Variants in FSTL5 observed in about 807,000 individuals in gnomAD.
FSTL5 encodes the protein follistatin-related protein 5.
FSTL5 carries 62 observed loss-of-function variants against 89.1 expected under a neutral mutation model. The observed-to-expected ratio is 0.70, with a 90% CI of 0.57 to 0.86. The LOEUF (loss-of-function observed/expected upper bound fraction) is 0.86, where lower values mean the gene tolerates loss of function less well. Among genes scored for constraint, FSTL5 ranks in the 40% least tolerant of loss-of-function variants. The pLI is 0.00. For synonymous variants in FSTL5, 383 were observed against 346.2 expected, an observed-to-expected ratio of 1.11 and a Z score of -1.18; for missense variants, 1,057 against 1,001.6, an observed-to-expected ratio of 1.06 and a Z score of -0.75.
At chr4:161,979,437 GT>G (rs1735753906) in intron 3 of FSTL5, among the ~76,000 whole-genome samples, 1 of 152,000 alleles carries the variant, frequency 6.6e-6, no homozygotes, top group South Asian at 2.1e-4. Context: ...TTATTATCTT[GT>G]GGTTTGCAAA....
chr4:162,055,939 T>A (rs1364578587), intron 2 of FSTL5, among the ~76,000 whole-genome samples: 1 of 151,870 alleles, frequency 6.6e-6, no homozygotes, highest in Admixed American at 6.6e-5. Flanking sequence ...CAATACAGAA[T>A]AATAATATTT....
rs1434945679 is a variant in FSTL5, at chr4:161,385,075, A to G, written c.*672T>C. ...TTCTATAGCATGCTGCAGATTATAC[A>G]GTAAATGTCAAGTGGAGTTTGACAC... On this transcript the variant is annotated 3_prime_UTR_variant, in exon 16 of 16. Coordinates refer to ENST00000306100, the MANE Select transcript of FSTL5 (RefSeq NM_020116.5). 1.3e-5 allele frequency: 2 copies of G among 152,322 alleles called. No individual in the cohort carries two copies. The highest frequency in any genetic ancestry group is 2.9e-5 in the Non-Finnish European group (2 of 68,010). 9.4% of individuals were successfully genotyped at this position (152,322 alleles called of 1,614,324 possible). A position where few individuals can be genotyped will look rare whatever the true frequency, so the allele number is the denominator to read the frequency against.
intron 15 of FSTL5, among the ~76,000 whole-genome samples, chr4:161,393,581 G>A (rs1390754125): frequency 6.6e-6 from 1 of 152,040 alleles, no homozygotes; most frequent in Non-Finnish European, 1.5e-5. Flanking sequence ...TGAAGAGAGA[G>A]TTTATATTGG....
chr4:161,437,346 T>C (rs887057777), intron 15 of FSTL5, among the ~76,000 whole-genome samples: 7 of 151,808 alleles, frequency 4.6e-5, no homozygotes, highest in Admixed American at 1.3e-4. Flanking sequence ...GCGGGCGGAT[T>C]ACGAGGTCAG....
At chr4:161,684,261 T>C (rs1285668006) in intron 6 of FSTL5, among the ~76,000 whole-genome samples, 3 of 152,170 alleles carry the variant, frequency 2.0e-5, no homozygotes, top group African/African-American at 7.2e-5. Context: ...TCTTTTTGTA[T>C]AATGACTTAT....
intron 4 of FSTL5, among the ~76,000 whole-genome samples, chr4:161,914,501 T>C (rs889888607): frequency 2.0e-5 from 3 of 152,170 alleles, no homozygotes; most frequent in Non-Finnish European, 4.4e-5. Flanking sequence ...ATCTAATAGA[T>C]ATTCTATTTG....
At chr4:161,755,521 G>A (rs1348570645) in intron 6 of FSTL5, among the ~76,000 whole-genome samples, 1 of 152,000 alleles carries the variant, frequency 6.6e-6, no homozygotes, top group Non-Finnish European at 1.5e-5. Context: ...AACAATTAAT[G>A]AATCATGATA....
chr4:161,759,478 A>C lies in FSTL5; in HGVS notation c.660T>G (p.Val220=), dbSNP rs1284421416. ...CATTAAAATCATCATATTTCAATAG[A>C]ACATACAAAGTACAATCAAAGAGAT... ...GKDLFDCTLY[V]LLKYDDFNAD... Residue 220 remains valine (V), a synonymous_variant, in exon 6 of 16, where the codon GTT becomes GTG. Coordinates refer to ENST00000306100, the MANE Select transcript of FSTL5 (RefSeq NM_020116.5). The C allele has an allele frequency of 1.3e-6, 2 of 1,595,882 alleles. No individual in the cohort carries two copies. Among genetic ancestry groups the C allele is most frequent in the Non-Finnish European group, 1.7e-6 (2 of 1,170,626 alleles).
At chr4:161,611,184 A>G (rs1362478945) in intron 7 of FSTL5, among the ~76,000 whole-genome samples, 16 of 143,624 alleles carry the variant, frequency 1.1e-4, no homozygotes, top group Non-Finnish European at 2.2e-4. Flanking sequence ...ATATATGTAT[A>G]TATGTGTATA....
intron 3 of FSTL5, among the ~76,000 whole-genome samples, chr4:161,959,720 G>A (rs1297642385): frequency 6.6e-6 from 1 of 152,084 alleles, no homozygotes; most frequent in African/African-American, 2.4e-5. Flanking sequence ...TGTTAATAAT[G>A]TTTCTGCTCT....
intron 2 of FSTL5, among the ~76,000 whole-genome samples, chr4:162,063,749 TTGA>T (rs1738797609): frequency 6.6e-6 from 1 of 151,978 alleles, no homozygotes; most frequent in South Asian, 2.1e-4. Flanking sequence ...TTTGATTGAT[TTGA>T]ATTATGACAA....
chr4:161,580,818 A>G (rs1232561907), intron 8 of FSTL5, among the ~76,000 whole-genome samples: 1 of 152,182 alleles, frequency 6.6e-6, no homozygotes, highest in African/African-American at 2.4e-5. Context: ...AAAAAAAGCA[A>G]TTACTTTTGC....
intron 10 of FSTL5, among the ~76,000 whole-genome samples, chr4:161,527,445 C>T (rs959010481): frequency 6.6e-6 from 1 of 152,052 alleles, no homozygotes; most frequent in African/African-American, 2.4e-5. Context: ...AACAAATTTA[C>T]AAGAAAAAAA....
rs184557113 is a variant in FSTL5 at position 161,781,436 on chromosome 4, G to A, written c.410-5362C>T. On this transcript the variant is annotated intron_variant, in intron 4 of 15. Transcript: ENST00000306100. Reference sequence around the variant, plus strand: ...TGAACTTTACTTAAGTGTACTACAGGTATATATAATAAAGTAAGCTTACTA... The same window carrying A: ...TGAACTTTACTTAAGTGTACTACAGATATATATAATAAAGTAAGCTTACTA... Among the ~76,000 whole-genome samples, 155 of 152,014 alleles carry A rather than the reference G, an allele frequency of 1.0e-3. 1 individual carries two copies. Among genetic ancestry groups the A allele is most frequent in the Admixed American group, 9.1e-3 (139 of 15,256 alleles).
In FSTL5 at chr4:161,645,148, C is replaced by T. The variant is rs142173532; in HGVS notation, c.894+11180G>A. Among the ~76,000 whole-genome samples the T allele has an allele frequency of 5.9e-3, 903 of 151,814 alleles. 9 individuals are homozygous for T. The highest frequency in any genetic ancestry group is 0.045 in the South Asian group (215 of 4,794). On this transcript the variant is annotated intron_variant, in intron 7 of 15. Coordinates refer to ENST00000306100, the MANE Select transcript of FSTL5 (RefSeq NM_020116.5). ...CTCAGGGTAAACATAGCAGTTGTAGCCATGAGCTCAGAAAGATAATGCCAA... is the reference window on the plus strand; with the variant it reads ...CTCAGGGTAAACATAGCAGTTGTAGTCATGAGCTCAGAAAGATAATGCCAA...
intron 4 of FSTL5, among the ~76,000 whole-genome samples, chr4:161,857,104 C>T (rs1017204887): frequency 5.9e-5 from 9 of 152,062 alleles, no homozygotes; most frequent in Non-Finnish European, 7.4e-5. Context: ...GTGGCAGGGG[C>T]ATTTGACTTG....
At chr4:161,948,340 T>C (rs1043264630) in intron 3 of FSTL5, among the ~76,000 whole-genome samples, 2 of 151,176 alleles carry the variant, frequency 1.3e-5, no homozygotes, top group African/African-American at 2.4e-5. Flanking sequence ...CCTGGCTCTG[T>C]ACAGCTTTTT....
At chr4:161,695,457 A>T (rs202015167) in intron 6 of FSTL5, among the ~76,000 whole-genome samples, 1 of 50,126 alleles carries the variant, frequency 2.0e-5, no homozygotes, top group African/African-American at 5.9e-5. Flanking sequence ...GTGTGTGTAT[A>T]TATATCACAT....
At chr4:161,680,138 T>A (rs191812756) in intron 6 of FSTL5, among the ~76,000 whole-genome samples, 15 of 152,044 alleles carry the variant, frequency 9.9e-5, no homozygotes, top group African/African-American at 3.4e-4. Context: ...TACATAATTA[T>A]TTGTTTATAG....
Sources: allele counts gnomAD v4.1 joint callset (sites outside exome capture counted in the v4.1 genomes callset), GRCh38; gene constraint gnomAD v4.1.1; transcripts MANE v1.5; gene names NCBI Gene and HGNC (gene_info 2026-07-23, HGNC 2026-07-21).